SNCAIP: variants seen among roughly 807,000 people sequenced by gnomAD.
The protein encoded by SNCAIP is synuclein alpha interacting protein.
A neutral mutation model predicts 86.7 loss-of-function variants in SNCAIP; 43 were observed. The observed-to-expected ratio is 0.50, with a 90% CI of 0.39 to 0.64. The LOEUF (loss-of-function observed/expected upper bound fraction) is 0.64. Ranked by LOEUF, SNCAIP falls within the 30% of genes least tolerant of loss-of-function variation. SNCAIP has a pLI of 0.00. For synonymous variants in SNCAIP, 417 were observed against 427.2 expected, an observed-to-expected ratio of 0.98 and a Z score of 0.29; for missense variants, 981 against 1,103.1, an observed-to-expected ratio of 0.89 and a Z score of 1.57.
chr5:122,380,727 T>G (rs1766559820), intron 1 of SNCAIP, among the ~76,000 whole-genome samples: 1 of 151,192 alleles, frequency 6.6e-6, no homozygotes, highest in South Asian at 2.1e-4. Flanking sequence ...TCCCAGAGAT[T>G]CTGGTATGTG....
chr5:122,453,481 G>C (rs1784119173), intron 10 of SNCAIP, among the ~76,000 whole-genome samples: 2 of 152,164 alleles, frequency 1.3e-5, no homozygotes, highest in African/African-American at 4.8e-5. Context: ...AAATTTCTCT[G>C]TGTTAGCATT....
chr5:122,386,455 G>T (rs1768144979), intron 1 of SNCAIP, among the ~76,000 whole-genome samples: 2 of 152,208 alleles, frequency 1.3e-5, no homozygotes, highest in African/African-American at 2.4e-5. Flanking sequence ...ACTTTAATAG[G>T]CACTGGAGGG....
At chr5:122,353,514 A>T (rs1352723759) in intron 1 of SNCAIP, among the ~76,000 whole-genome samples, 1 of 151,426 alleles carries the variant, frequency 6.6e-6, no homozygotes, top group Admixed American at 6.6e-5. Context: ...CCCAAATCTC[A>T]TCTTGAATTG....
rs750347876 is a variant in SNCAIP, at chr5:122,449,832, T to C, written c.1593-13T>C. The C allele has an allele frequency of 6.2e-7, 1 of 1,601,504 alleles. No individual in the cohort carries two copies. The highest frequency in any genetic ancestry group is 2.2e-5 in the East Asian group (1 of 44,794). Reference sequence around the variant, plus strand: ...GTATCAGAGTCCTCATGTGTTTTGGTTGTTTTCCCCAGACAAACAGTAGAA... The same window carrying C: ...GTATCAGAGTCCTCATGTGTTTTGGCTGTTTTCCCCAGACAAACAGTAGAA... On this transcript the variant is annotated splice_polypyrimidine_tract_variant and intron_variant, in intron 8 of 10. Transcript: ENST00000261368.
At position 122,463,843 on chromosome 5, in the gene SNCAIP, A is replaced by T; in HGVS notation, c.*347A>T. On this transcript the variant is annotated 3_prime_UTR_variant, in exon 11 of 11. Transcript: ENST00000261368. ...AAGAGTAGATTGATTCACCCTACCC[A>T]CAGGACATTCACCAAGCCACTGATA... The T allele has an allele frequency of 3.7e-6, 1 of 273,434 alleles. No homozygotes were observed. Among genetic ancestry groups the T allele is most frequent in the Admixed American group, 5.0e-5 (1 of 20,166 alleles). 16.9% of individuals were successfully genotyped at this position (273,434 alleles called of 1,614,324 possible).
At chr5:122,397,498 G>A (rs960291692) in intron 2 of SNCAIP, among the ~76,000 whole-genome samples, 1 of 151,956 alleles carries the variant, frequency 6.6e-6, no homozygotes, top group Non-Finnish European at 1.5e-5. Context: ...CAATGTCTTA[G>A]CATAAAAGAA....
chr5:122,456,673 A>G (rs1365082843), intron 10 of SNCAIP, among the ~76,000 whole-genome samples: 1 of 152,238 alleles, frequency 6.6e-6, no homozygotes, highest in East Asian at 1.9e-4. Flanking sequence ...TCTCCTTGCC[A>G]TCATTTCTCT....
intron 1 of SNCAIP, among the ~76,000 whole-genome samples, chr5:122,336,186 GAGAGAA>G (rs1393752501): frequency 1.3e-5 from 2 of 152,158 alleles, no homozygotes; most frequent in African/African-American, 4.8e-5. Context: ...GAGAGAGAGA[GAGAGAA>G]AGAGAGAGAG....
At chr5:122,403,939 A>T in intron 3 of SNCAIP, 74 bp downstream of exon 3, 1 of 1,089,250 alleles carries the variant, frequency 9.2e-7, no homozygotes, top group Non-Finnish European at 1.4e-6. Context: ...GTTTTTCCTC[A>T]CACTGGTCCC....
intron 10 of SNCAIP, among the ~76,000 whole-genome samples, chr5:122,457,074 T>G (rs1378210471): frequency 2.0e-5 from 3 of 152,236 alleles, no homozygotes; most frequent in Non-Finnish European, 4.4e-5. Context: ...CGATCTTGGC[T>G]CACTGCAACC....
chr5:122,353,109 G>C lies in SNCAIP; in HGVS notation c.-46-37980G>C, dbSNP rs546620890. The stretch of plus-strand genomic sequence containing the variant: ...GTACTTTTTCTTATTGGTTGAGTTA[G>C]TACTTGGCATCAGCAGAATTTTAGA... On this transcript the variant is annotated intron_variant, in intron 1 of 10. Coordinates refer to ENST00000261368, the MANE Select transcript of SNCAIP (RefSeq NM_005460.4). Among the ~76,000 whole-genome samples, 126 of 152,218 alleles carry C rather than the reference G, an allele frequency of 8.3e-4. 1 individual carries two copies. Among genetic ancestry groups the C allele is most frequent in the African/African-American group, 2.9e-3 (122 of 41,534 alleles).
chr5:122,407,148 T>C (rs549907553), intron 3 of SNCAIP, among the ~76,000 whole-genome samples: 1 of 152,198 alleles, frequency 6.6e-6, no homozygotes, highest in South Asian at 2.1e-4. Context: ...AGCAAACAGA[T>C]AAACAAGGTC....
chr5:122,349,100 C>G (rs1759252203), intron 1 of SNCAIP, among the ~76,000 whole-genome samples: 1 of 152,154 alleles, frequency 6.6e-6, no homozygotes, highest in Admixed American at 6.6e-5. Flanking sequence ...AATAAAGCCA[C>G]CACTCTGAAT....
intron 2 of SNCAIP, among the ~76,000 whole-genome samples, chr5:122,391,514 C>A (rs939214735): frequency 6.6e-6 from 1 of 152,152 alleles, no homozygotes; most frequent in African/African-American, 2.4e-5. Flanking sequence ...ATTCCAAATT[C>A]TCTTATGTGG....
intron 1 of SNCAIP, among the ~76,000 whole-genome samples, chr5:122,341,320 G>A (rs1240716453): frequency 6.6e-6 from 1 of 152,214 alleles, no homozygotes; most frequent in African/African-American, 2.4e-5. Context: ...CCTGTGGTCA[G>A]TTAAATGAAT....
Position 122,422,875 on chromosome 5 carries a change from C to G in SNCAIP, c.138C>G (p.Ser46Arg). 1.2e-6 allele frequency: 2 copies of G among 1,613,618 alleles called. No homozygotes were observed. Among genetic ancestry groups the G allele is most frequent in the African/African-American group, 1.3e-5 (1 of 75,056 alleles). ...DTQNEDRSVS[S>R]SSWNCGISTL... Reference sequence around the variant, plus strand: ...TTAATTTTTTAAAAACAGTTTCTAGCTCTAGCTGGAATTGTGGCATCTCAA... The same window carrying G: ...TTAATTTTTTAAAAACAGTTTCTAGGTCTAGCTGGAATTGTGGCATCTCAA... Residue 46 changes from serine to arginine, a missense_variant, in exon 4 of 11, where the codon AGC (serine) becomes AGG (arginine). Ser to Arg is a moderately radical substitution (Grantham distance 110). Transcript: ENST00000261368.
At position 122,420,585 on chromosome 5, in the gene SNCAIP, A is replaced by ATTTT. The variant is rs201297890; in HGVS notation, c.131-2277_131-2274dup. Among the ~76,000 whole-genome samples the ATTTT allele has an allele frequency of 1.3e-4, 19 of 151,368 alleles. 1 individual carries two copies. The highest frequency in any genetic ancestry group is 1.9e-4 in the Non-Finnish European group (13 of 67,834). ...CAGAAATGTCTATGAGTATATATAT[A>ATTTT]TTTTTTTTTCCATTTTATTTAAAGC... is the stretch of plus-strand genomic sequence containing the variant. On this transcript the variant is annotated intron_variant, in intron 3 of 10. Coordinates refer to ENST00000261368, the MANE Select transcript of SNCAIP (RefSeq NM_005460.4).
At chr5:122,460,782 C>T (rs1229835083) in intron 10 of SNCAIP, among the ~76,000 whole-genome samples, 11 of 152,188 alleles carry the variant, frequency 7.2e-5, no homozygotes, top group Admixed American at 6.5e-4. Flanking sequence ...TCTAAACACT[C>T]TGCTGAAGAC....
intron 10 of SNCAIP, 179 bp downstream of exon 10, chr5:122,451,780 C>T (rs1373756159): frequency 5.1e-6 from 3 of 585,012 alleles, no homozygotes; most frequent in Non-Finnish European, 9.1e-6. Context: ...TAGATACATA[C>T]CCCTTGCTCT....
Sources: allele counts gnomAD v4.1 joint callset (sites outside exome capture counted in the v4.1 genomes callset), GRCh38; gene constraint gnomAD v4.1.1; transcripts MANE v1.5; gene names NCBI Gene and HGNC (gene_info 2026-07-23, HGNC 2026-07-21).